The following NDUFAF6 variants were observed in gnomAD, a reference collection of about 807,000 sequenced individuals.
NDUFAF6 encodes the protein NADH dehydrogenase (ubiquinone) complex I, assembly factor 6.
In NDUFAF6, 45 loss-of-function variants were observed where a neutral mutation model predicts 40.8. That is an observed-to-expected ratio of 1.10 (90% CI 0.87 to 1.42). The LOEUF (loss-of-function observed/expected upper bound fraction) is 1.42, where lower values mean the gene tolerates loss of function less well. Ranked by LOEUF, NDUFAF6 falls within the 40% of genes most tolerant of loss-of-function variation. The pLI, the probability that NDUFAF6 is intolerant of heterozygous loss-of-function variation, is 0.00. For synonymous variants in NDUFAF6, 185 were observed against 155.9 expected, an observed-to-expected ratio of 1.19 and a Z score of -1.39; for missense variants, 435 against 418.5, an observed-to-expected ratio of 1.04 and a Z score of -0.34.
intron 2 of NDUFAF6, chr8:94,950,021 T>C (rs62523082): frequency 0.018 from 2,682 of 151,998 alleles, 33 homozygotes; most frequent in Admixed American, 0.026. Context: ...CTGCACGCTC[T>C]GGATTCCGCC....
At chr8:95,013,503 A>G (rs1278241804) in intron 2 of NDUFAF6, among the ~76,000 whole-genome samples, 1 of 152,244 alleles carries the variant, frequency 6.6e-6, no homozygotes, top group Non-Finnish European at 1.5e-5. Context: ...ATAGTTGATT[A>G]TGCAAAAAGA....
rs557133277 is a variant in NDUFAF6 at position 94,925,051 on chromosome 8, G to A, written c.-935-20432G>A. Among the ~76,000 whole-genome samples, 4 of 152,214 alleles carry A rather than the reference G, an allele frequency of 2.6e-5. No homozygotes were observed. The East Asian group carries it at 7.7e-4, about 29-fold the overall frequency. The stretch of plus-strand genomic sequence containing the variant: ...AGCCATCATGCCCAGCCCAAAGTGG[G>A]GCTTTCATTTCAACCTGCTGCTTCT... On this transcript the variant is annotated intron_variant, in intron 1 of 14. Transcript: ENST00000396113.
chr8:95,036,302 T>C, intron 3 of NDUFAF6: 1 of 1,284,320 alleles, frequency 7.8e-7, no homozygotes, highest in Non-Finnish European at 1.0e-6. Context: ...TGTAATGCAG[T>C]GATTGCCAAA....
At chr8:95,083,814 GA>G (rs1808955564) in intron 2 of NDUFAF6, among the ~76,000 whole-genome samples, 1 of 152,104 alleles carries the variant, frequency 6.6e-6, no homozygotes, top group African/African-American at 2.4e-5. Context: ...ATTTCTAATG[GA>G]GACAAAGTCC....
At chr8:95,090,499 A>G (rs1809211989) in intron 2 of NDUFAF6, among the ~76,000 whole-genome samples, 1 of 151,988 alleles carries the variant, frequency 6.6e-6, no homozygotes, top group Non-Finnish European at 1.5e-5. Flanking sequence ...CTTTACAGTG[A>G]ACTTTCTACT....
At chr8:95,005,935 C>T (rs1464249147) in intron 2 of NDUFAF6, among the ~76,000 whole-genome samples, 1 of 152,110 alleles carries the variant, frequency 6.6e-6, no homozygotes, top group African/African-American at 2.4e-5. Context: ...AGAGGAAGAA[C>T]TTCCCTTTCA....
intron 2 of NDUFAF6, among the ~76,000 whole-genome samples, chr8:95,093,808 C>G (rs1278009574): frequency 6.6e-6 from 1 of 152,212 alleles, no homozygotes; most frequent in African/African-American, 2.4e-5. Flanking sequence ...ATTCTTAACA[C>G]ATATTAAGTA....
downstream of NDUFAF6, among the ~76,000 whole-genome samples, chr8:95,117,739 A>G (rs933990124): frequency 2.0e-5 from 3 of 152,206 alleles, no homozygotes; most frequent in Non-Finnish European, 4.4e-5. Context: ...CAAGGCAGCA[A>G]AAATTCCTAT....
chr8:95,068,926 T>G (rs1264108251), intron 9 of NDUFAF6: 1 of 151,576 alleles, frequency 6.6e-6, no homozygotes, highest in Non-Finnish European at 1.5e-5. Flanking sequence ...TCCTTTTAGG[T>G]TTTTCTGCAG....
chr8:95,082,019 G>A (rs1029329349), intron 2 of NDUFAF6, among the ~76,000 whole-genome samples: 1 of 152,126 alleles, frequency 6.6e-6, no homozygotes, highest in African/African-American at 2.4e-5. Flanking sequence ...AGCCGAGATC[G>A]CGCCACTGCA....
upstream of NDUFAF6, among the ~76,000 whole-genome samples, chr8:95,099,931 C>T (rs577370920): frequency 2.0e-5 from 3 of 152,314 alleles, no homozygotes; most frequent in Admixed American, 2.0e-4. Context: ...TTCTCTGATG[C>T]CTTTTCATTG....
chr8:95,108,481 C>T (rs550338932), intron 4 of NDUFAF6, among the ~76,000 whole-genome samples: 1 of 152,150 alleles, frequency 6.6e-6, no homozygotes, highest in African/African-American at 2.4e-5. Flanking sequence ...CATGATTCCA[C>T]CTATATGAGG....
At chr8:95,061,466 A>G (rs1038619871), downstream of NDUFAF6, among the ~76,000 whole-genome samples, 4 of 152,360 alleles carry the variant, frequency 2.6e-5, no homozygotes, top group Middle Eastern at 6.8e-3. Flanking sequence ...ACACAGGTCC[A>G]GAATTGGGAA....
chr8:94,901,940 C>T (rs1456237103), intron 1 of NDUFAF6, among the ~76,000 whole-genome samples: 2 of 152,090 alleles, frequency 1.3e-5, no homozygotes, highest in African/African-American at 2.4e-5. Flanking sequence ...TAATGAACAC[C>T]CATATGCCAT....
At chr8:94,930,411 G>A (rs1257684210) in intron 1 of NDUFAF6, 5 of 1,583,580 alleles carry the variant, frequency 3.2e-6, no homozygotes, top group Non-Finnish European at 3.5e-6. Flanking sequence ...CATTTTCACT[G>A]TACATATACA....
intron 1 of NDUFAF6, among the ~76,000 whole-genome samples, chr8:95,030,806 T>C (rs1188383535): frequency 6.6e-6 from 1 of 152,232 alleles, no homozygotes; most frequent in East Asian, 1.9e-4. Flanking sequence ...TTTCTTTGAC[T>C]CATGGTTCTG....
intron 1 of NDUFAF6, among the ~76,000 whole-genome samples, chr8:94,900,795 A>G (rs1817967134): frequency 6.6e-6 from 1 of 152,336 alleles, no homozygotes; most frequent in South Asian, 2.1e-4. Context: ...GCATGATGCA[A>G]AATATAAGAT....
At chr8:95,014,080 C>G (rs1827338894) in intron 2 of NDUFAF6, among the ~76,000 whole-genome samples, 1 of 152,202 alleles carries the variant, frequency 6.6e-6, no homozygotes, top group African/African-American at 2.4e-5. Context: ...TTCCTTGTAG[C>G]CTGCTGAACA....
intron 2 of NDUFAF6, among the ~76,000 whole-genome samples, chr8:95,089,475 T>TAC (rs1809180067): frequency 2.0e-5 from 3 of 151,746 alleles, no homozygotes; most frequent in African/African-American, 7.3e-5. Flanking sequence ...TATATATATA[T>TAC]AAAAGGGAGA....
Sources: gnomAD v4.1 joint callset for allele counts (sites outside exome capture counted in the v4.1 genomes callset) on GRCh38, gnomAD v4.1.1 for gene constraint, MANE v1.5 for transcripts, NCBI Gene and HGNC (gene_info 2026-07-23, HGNC 2026-07-21) for gene names.